The following NAA35 variants were observed in gnomAD, a reference collection of about 807,000 sequenced individuals.
NAA35 encodes the protein MAK10 homolog, amino-acid N-acetyltransferase subunit.
Under a neutral mutation model 101.7 loss-of-function variants are expected in NAA35, and 18 were observed. The observed-to-expected ratio is 0.18, with a 90% confidence interval of 0.12 to 0.26. NAA35 has a LOEUF of 0.26. Ranked by LOEUF, NAA35 falls within the 10% of genes least tolerant of loss-of-function variation. The probability of loss-of-function intolerance (pLI) is 1.00; values close to 1 mark genes in which losing one functional copy is unlikely to be tolerated. For synonymous variants in NAA35, 267 were observed against 273.1 expected (o/e 0.98, Z 0.22); for missense variants, 601 against 886.8 (o/e 0.68, Z 4.09).
intron 2 of NAA35, among the ~76,000 whole-genome samples, chr9:85,950,574 A>G (rs1461872191): frequency 6.6e-6 from 1 of 152,146 alleles, no homozygotes; most frequent in Non-Finnish European, 1.5e-5. Context: ...CTTACGAGTC[A>G]TCTAGTCTAA....
Position 86,007,362 on chromosome 9 carries a change from C to T in NAA35, c.1121C>T (p.Thr374Ile). ...ATATATAACATTTGTTTTAAGACCA[C>T]TTTCCTGGTGGATAACAAAAAGGTC... The part of the protein sequence containing the change: ...CVLSRSLLQT[T>I]FLVDNKKVFG... The change falls in exon 14 of 23, where the codon ACT (threonine) becomes ATT (isoleucine). Residue 374 changes from threonine to isoleucine, a missense_variant. Coordinates refer to ENST00000361671, the MANE Select transcript of NAA35 (RefSeq NM_024635.4). The T allele has an allele frequency of 1.9e-6, 3 of 1,611,658 alleles. No individual in the cohort carries two copies. The highest frequency in any genetic ancestry group is 2.5e-6 in the Non-Finnish European group (3 of 1,178,028).
intron 6 of NAA35, among the ~76,000 whole-genome samples, chr9:85,966,043 G>A (rs923951934): frequency 6.6e-6 from 1 of 152,154 alleles, no homozygotes; most frequent in Non-Finnish European, 1.5e-5. Flanking sequence ...ATGCTCCAGC[G>A]ATACTTTGTC....
chr9:85,953,745 G>A (rs1474771927), intron 2 of NAA35, among the ~76,000 whole-genome samples: 1 of 151,896 alleles, frequency 6.6e-6, no homozygotes, highest in Non-Finnish European at 1.5e-5. Context: ...TATTATTATT[G>A]ACTACTTTAA....
At chr9:85,955,356 A>ATTTTTT (rs1397959906) in intron 2 of NAA35, among the ~76,000 whole-genome samples, 15 of 44,176 alleles carry the variant, frequency 3.4e-4, no homozygotes, top group African/African-American at 7.0e-4. Flanking sequence ...ATATATATAT[A>ATTTTTT]TATATTTTTT....
At chr9:85,950,621 G>A (rs781667154) in intron 2 of NAA35, among the ~76,000 whole-genome samples, 41 of 152,226 alleles carry the variant, frequency 2.7e-4, no homozygotes, top group Non-Finnish European at 4.9e-4. Context: ...AAGGCCGAGA[G>A]TGTTTGACTT....
chr9:85,964,923 C>G (rs1445521210), intron 6 of NAA35, among the ~76,000 whole-genome samples: 1 of 152,204 alleles, frequency 6.6e-6, no homozygotes, highest in Admixed American at 6.5e-5. Flanking sequence ...AAATATCCTA[C>G]TGACTGAAGT....
intron 2 of NAA35, among the ~76,000 whole-genome samples, chr9:85,955,346 ATATATATATATATATTT>A (rs1829205761): frequency 1.4e-5 from 1 of 69,404 alleles, no homozygotes; most frequent in African/African-American, 7.8e-5. Context: ...ATATATATAT[ATATATATATATATATTT>A]TTTTTTTTTT....
At chr9:85,980,322 A>G (rs1830383968) in intron 11 of NAA35, among the ~76,000 whole-genome samples, 1 of 151,006 alleles carries the variant, frequency 6.6e-6, no homozygotes, top group Admixed American at 6.6e-5. Context: ...GAGCAACTGG[A>G]CCTTCAGCCT....
chr9:86,008,746 T>C (rs891858487), intron 14 of NAA35, among the ~76,000 whole-genome samples: 3 of 152,218 alleles, frequency 2.0e-5, no homozygotes, highest in African/African-American at 7.2e-5. Context: ...AAACTTTCAG[T>C]GTTATAGATG....
At position 86,018,329 on chromosome 9, in the gene NAA35, T is replaced by C; in HGVS notation, c.1848T>C (p.Tyr616=). 2 of 1,614,112 alleles carry C rather than the reference T, an allele frequency of 1.2e-6. No homozygotes were observed. Among genetic ancestry groups the C allele is most frequent in the Non-Finnish European group, 1.7e-6 (2 of 1,179,986 alleles). ...KFELDSEQVR[Y]EHRFAPFNSV... ...AGCTTGATAGTGAACAAGTTCGGTA[T>C]GAACACAGGTTTGCTCCATTCAACA... is the stretch of plus-strand genomic sequence containing the variant. Residue 616 remains tyrosine, a synonymous_variant, in exon 20 of 23, where the codon TAT becomes TAC. Transcript: ENST00000361671.
At chr9:86,003,698 A>G in intron 13 of NAA35, 54 bp downstream of exon 13, 2 of 1,016,166 alleles carry the variant, frequency 2.0e-6, no homozygotes, top group Non-Finnish European at 2.9e-6. Flanking sequence ...GTGTATTGAC[A>G]TTGTTTTATT....
At chr9:86,009,991 G>A (rs1230496665) in intron 15 of NAA35, 60 bp downstream of exon 15, 2 of 1,374,314 alleles carry the variant, frequency 1.5e-6, no homozygotes, top group East Asian at 4.6e-5. Context: ...GCTGTGGCCG[G>A]GCACGGTGGC....
intron 6 of NAA35, among the ~76,000 whole-genome samples, chr9:85,967,729 G>A (rs907273648): frequency 6.6e-6 from 1 of 151,896 alleles, no homozygotes; most frequent in Non-Finnish European, 1.5e-5. Context: ...GTGAACCCGG[G>A]AGGCAGAGCT....
intron 17 of NAA35, chr9:86,015,668 G>A (rs1832172994): frequency 1.2e-6 from 1 of 862,132 alleles, no homozygotes; most frequent in Admixed American, 6.2e-5. Context: ...CACTCTCTTA[G>A]ACATAAATGT....
chr9:85,998,055 C>G (rs1347546991), intron 12 of NAA35, among the ~76,000 whole-genome samples: 11 of 152,142 alleles, frequency 7.2e-5, no homozygotes, highest in Non-Finnish European at 1.5e-5. Context: ...GCTGGGACTA[C>G]AGGCGTCCGC....
chr9:85,941,809 T>C, intron 1 of NAA35: 1 of 1,014,968 alleles, frequency 9.9e-7, no homozygotes, highest in Non-Finnish European at 1.2e-6. Context: ...CCCTGAATAG[T>C]GCCTTGGTCT....
chr9:86,005,938 G>A (rs901930337), intron 13 of NAA35, among the ~76,000 whole-genome samples: 13 of 151,376 alleles, frequency 8.6e-5, no homozygotes, highest in Non-Finnish European at 8.8e-5. Context: ...TTTGGGAGGC[G>A]GAGGTGGTTG....
chr9:85,995,824 C>T (rs1831130841), intron 11 of NAA35, among the ~76,000 whole-genome samples: 1 of 152,188 alleles, frequency 6.6e-6, no homozygotes, highest in Non-Finnish European at 1.5e-5. Context: ...GAAAGAGGAA[C>T]TCACTCTTAG....
intron 3 of NAA35, among the ~76,000 whole-genome samples, chr9:85,956,614 G>A (rs1280838717): frequency 6.6e-6 from 1 of 152,134 alleles, no homozygotes; most frequent in Admixed American, 6.6e-5. Context: ...GTAACTTATG[G>A]TCCTTTCCTT....
Sources: gnomAD v4.1 joint callset for allele counts (sites outside exome capture counted in the v4.1 genomes callset) on GRCh38, gnomAD v4.1.1 for gene constraint, MANE v1.5 for transcripts, NCBI Gene and HGNC (gene_info 2026-07-23, HGNC 2026-07-21) for gene names.